TLE3: variants seen among roughly 807,000 people sequenced by gnomAD.
TLE3 encodes the protein TLE family member 3, transcriptional corepressor, also known as transducin-like enhancer protein 3.
Under a neutral mutation model 93.0 loss-of-function variants are expected in TLE3, and 14 were observed. The observed-to-expected ratio is 0.15, with a 90% CI of 0.10 to 0.24. TLE3 has a LOEUF of 0.24. Ranked by LOEUF, TLE3 falls within the 10% of genes least tolerant of loss-of-function variation. The pLI is 1.00. For synonymous variants in TLE3, 451 were observed against 425.0 expected (o/e 1.06, Z -0.75); for missense variants, 693 against 1,046.6 (o/e 0.66, Z 4.66).
chr15:70,096,790 C>G lies in TLE3; in HGVS notation c.9G>C (p.Pro3=), dbSNP rs778974433. The change falls in exon 1 of 20, where the codon CCG becomes CCC. Residue 3 remains proline, a synonymous_variant. Coordinates refer to ENST00000451782, the MANE Select transcript of TLE3 (RefSeq NM_001105192.3). ...AATTACTCACCGGATGTCTGCCCTGCGGATACATGGCAGGGAGGGGTCGTG... is the reference window on the plus strand; with the variant it reads ...AATTACTCACCGGATGTCTGCCCTGGGGATACATGGCAGGGAGGGGTCGTG... The part of the protein sequence containing the change: MY[P]QGRHPAPHQP... 6.2e-7 allele frequency: 1 copy of G among 1,612,366 alleles called. No individual in the cohort carries two copies. Among genetic ancestry groups the G allele is most frequent in the Non-Finnish European group, 8.5e-7 (1 of 1,179,118 alleles).
chr15:70,097,369 G>C lies in TLE3; in HGVS notation c.-571C>G, dbSNP rs1246760079. The C allele has an allele frequency of 3.0e-5, 12 of 405,802 alleles. No individual in the cohort carries two copies. Among genetic ancestry groups the C allele is most frequent in the Non-Finnish European group, 4.8e-5 (11 of 230,684 alleles). The allele number at this position is 405,802 out of a possible 1,614,324, so 25.1% of individuals were successfully genotyped here. On this transcript the variant is annotated 5_prime_UTR_variant, in exon 1 of 20. Transcript: ENST00000451782. ...GTGGCTTGGGGCCGCAGGAGCGCCG[G>C]AGGGTGAGGGCGGGAGCCCGGCGCG...
intron 18 of TLE3, 63 bp from the exon 19 acceptor site, chr15:70,051,530 C>T: frequency 1.4e-6 from 2 of 1,432,176 alleles, no homozygotes; most frequent in Non-Finnish European, 1.9e-6. Flanking sequence ...GCAAGACCTG[C>T]CCTAGACATG....
Position 70,058,565 on chromosome 15 carries a change from GC to G in TLE3, c.918+97del. 6.8e-7 allele frequency: 1 copy of G among 1,463,422 alleles called. No homozygotes were observed. Among genetic ancestry groups the G allele is most frequent in the Non-Finnish European group, 9.1e-7 (1 of 1,103,832 alleles). 90.7% of individuals were successfully genotyped at this position (1,463,422 alleles called of 1,614,324 possible). On this transcript the variant is annotated intron_variant, in intron 11 of 19. Coordinates refer to ENST00000451782, the MANE Select transcript of TLE3 (RefSeq NM_001105192.3). The surrounding 1 kb of genome is among the most constrained non-coding windows in gnomAD (Gnocchi z 4.1). ...TAAACCGGGGCCAATCACCCACCCA[GC>G]TTCTCCCACTCCACCCCTCTGCCTG...
At chr15:70,051,198 C>A (rs2055503533) in intron 19 of TLE3, 193 bp downstream of exon 19, 1 of 512,236 alleles carries the variant, frequency 2.0e-6, no homozygotes, top group Non-Finnish European at 3.5e-6. Flanking sequence ...GTGTGTCCTG[C>A]TGAAGTCCCC....
chr15:70,052,842 C>T (rs2055668619), intron 17 of TLE3: 3 of 303,088 alleles, frequency 9.9e-6, no homozygotes, highest in Middle Eastern at 9.0e-4. Flanking sequence ...AATAATAATC[C>T]CTGGCATTTA....
At chr15:70,096,744 T>G (rs774709845) in intron 1 of TLE3, 31 bp downstream of exon 1, 4 of 1,612,280 alleles carry the variant, frequency 2.5e-6, no homozygotes, top group Non-Finnish European at 3.4e-6. Context: ...CCATGATAGA[T>G]GCTTAAATAA....
chr15:70,080,575 G>A (rs1228431694), intron 4 of TLE3, among the ~76,000 whole-genome samples: 1 of 152,164 alleles, frequency 6.6e-6, no homozygotes, highest in Non-Finnish European at 1.5e-5. Context: ...GCAAATAAAT[G>A]ACAGAAAACA....
intron 2 of TLE3, 176 bp downstream of exon 2, chr15:70,095,985 G>A (rs2058537841): frequency 2.5e-6 from 2 of 797,916 alleles, no homozygotes; most frequent in South Asian, 1.9e-5. Flanking sequence ...CCGGGCTGCT[G>A]CGGGCAGTAA....
At chr15:70,073,558 C>T (rs904123805) in intron 6 of TLE3, among the ~76,000 whole-genome samples, 4 of 152,220 alleles carry the variant, frequency 2.6e-5, no homozygotes, top group African/African-American at 7.2e-5. Context: ...GTTAGGAACA[C>T]AGATTTCCAG....
chr15:70,068,398 A>G (rs1197516400), intron 6 of TLE3, among the ~76,000 whole-genome samples: 1 of 152,320 alleles, frequency 6.6e-6, no homozygotes, highest in African/African-American at 2.4e-5. Flanking sequence ...GTGGTCGGAC[A>G]ATACAACTTT....
At chr15:70,065,885 A>G (rs1199406044) in intron 7 of TLE3, 129 bp downstream of exon 7, 2 of 1,024,284 alleles carry the variant, frequency 2.0e-6, no homozygotes, top group African/African-American at 3.2e-5. Flanking sequence ...GTATCAACAG[A>G]TGACTCCAAA....
At chr15:70,084,048 T>C (rs1402825010) in intron 4 of TLE3, among the ~76,000 whole-genome samples, 2 of 152,244 alleles carry the variant, frequency 1.3e-5, no homozygotes, top group Non-Finnish European at 2.9e-5. Flanking sequence ...AGAAACTTAT[T>C]TTATATGATA....
At chr15:70,080,163 C>T (rs2057694930) in intron 4 of TLE3, among the ~76,000 whole-genome samples, 1 of 151,952 alleles carries the variant, frequency 6.6e-6, no homozygotes, top group Non-Finnish European at 1.5e-5. Context: ...CTTTTGGCAA[C>T]TTGGCGCAAT....
chr15:70,058,436 A>G lies in TLE3; in HGVS notation c.919-145T>C, dbSNP rs1014058266. On this transcript the variant is annotated intron_variant, in intron 11 of 19. Transcript: ENST00000451782. The surrounding 1 kb of genome is among the most constrained non-coding windows in gnomAD (Gnocchi z 4.1). Reference sequence around the variant, plus strand: ...CGAACAGCCTCTCAATCCTTGCCCAACCTTGTTTGGCAGGGACTGGGGTGA... The same window carrying G: ...CGAACAGCCTCTCAATCCTTGCCCAGCCTTGTTTGGCAGGGACTGGGGTGA... 6 of 1,414,576 alleles carry G rather than the reference A, an allele frequency of 4.2e-6. No homozygotes were observed. In the Admixed American group the frequency reaches 9.5e-5, roughly 22 times the overall value. The allele number at this position is 1,414,576 out of a possible 1,614,324, so 87.6% of individuals were successfully genotyped here.
chr15:70,092,375 C>T (rs554589315), intron 4 of TLE3, among the ~76,000 whole-genome samples: 2 of 152,338 alleles, frequency 1.3e-5, no homozygotes, highest in East Asian at 3.9e-4. Flanking sequence ...GCTTGCAAAG[C>T]CACTGCATTC....
At chr15:70,056,484 T>A in intron 13 of TLE3, 110 bp from the exon 14 acceptor site, 1 of 965,488 alleles carries the variant, frequency 1.0e-6, no homozygotes, top group Non-Finnish European at 1.6e-6. Context: ...TGCCACTTTG[T>A]AACCCAAGAG....
rs764433029 is a variant in TLE3, at chr15:70,050,092, C to A, written c.*5G>T. On this transcript the variant is annotated 3_prime_UTR_variant, in exon 20 of 20. Coordinates refer to ENST00000451782, the MANE Select transcript of TLE3 (RefSeq NM_001105192.3). ...AGAGTTTGACAGCCCTGCTGGAGTTCTTGTTTAGTAGATGACCTCATAAAC... is the reference window on the plus strand; with the variant it reads ...AGAGTTTGACAGCCCTGCTGGAGTTATTGTTTAGTAGATGACCTCATAAAC... 9.9e-6 allele frequency: 16 copies of A among 1,610,970 alleles called. No individual in the cohort carries two copies. Among genetic ancestry groups the A allele is most frequent in the Non-Finnish European group, 1.3e-5 (15 of 1,177,146 alleles).
intron 4 of TLE3, among the ~76,000 whole-genome samples, chr15:70,087,219 G>A (rs368777433): frequency 7.9e-5 from 12 of 152,076 alleles, no homozygotes; most frequent in Non-Finnish European, 8.8e-5. Context: ...TGTCCCTCAC[G>A]GAACTCACAG....
intron 5 of TLE3, 47 bp downstream of exon 5, chr15:70,076,049 G>A (rs1410444882): frequency 6.3e-7 from 1 of 1,583,204 alleles, no homozygotes; most frequent in Admixed American, 1.7e-5. Flanking sequence ...ACCAGCCACT[G>A]GGCTGATTTG....
Sources: gnomAD v4.1 joint callset for allele counts (sites outside exome capture counted in the v4.1 genomes callset) on GRCh38, gnomAD v4.1.1 for gene constraint, Gnocchi (gnomAD v3.1) non-coding constraint, MANE v1.5 for transcripts, NCBI Gene and HGNC (gene_info 2026-07-23, HGNC 2026-07-21) for gene names.